DHCR24: variants seen among roughly 807,000 people sequenced by gnomAD.
The protein encoded by DHCR24 is delta(24)-sterol reductase.
DHCR24 carries 28 observed loss-of-function variants against 61.2 expected under a neutral mutation model. The ratio of observed to expected loss-of-function variants is 0.46; its 90% confidence interval spans 0.34 to 0.63. The LOEUF is 0.63. Among genes scored for constraint, DHCR24 ranks in the 20% least tolerant of loss-of-function variants. The pLI is 0.01. For synonymous variants in DHCR24, 261 were observed against 275.9 expected (o/e 0.95, Z 0.54); for missense variants, 538 against 679.1 (o/e 0.79, Z 2.31).
chr1:54,874,460 T>C (rs1374251112), intron 4 of DHCR24, among the ~76,000 whole-genome samples: 1 of 152,240 alleles, frequency 6.6e-6, no homozygotes, highest in Non-Finnish European at 1.5e-5. Flanking sequence ...AGTACCATGC[T>C]GTATAGGTCT....
chr1:54,862,937 G>A lies in DHCR24; in HGVS notation c.1020+2366C>T, dbSNP rs540100222. 1.7e-4 allele frequency among the ~76,000 whole-genome samples: 26 copies of A among 152,170 alleles called. No individual in the cohort carries two copies. In the East Asian group the frequency reaches 4.8e-3, roughly 28 times the overall value. ...TAAAAATACAAAAAATTAGCTGGGC[G>A]TAGTGGTGGGCGCCTATAGTCCCAG... is the stretch of plus-strand genomic sequence containing the variant. On this transcript the variant is annotated intron_variant, in intron 6 of 8. Transcript: ENST00000371269.
Position 54,883,623 on chromosome 1 carries a change from T to C in DHCR24, c.382A>G (p.Lys128Glu). 2 of 1,614,224 alleles carry C rather than the reference T, an allele frequency of 1.2e-6. No homozygotes were observed. The highest frequency in any genetic ancestry group is 1.7e-6 in the Non-Finnish European group (2 of 1,180,034). The change falls in exon 2 of 9, where the codon AAA becomes GAA. Residue 128 changes from lysine to glutamate, a missense_variant. Transcript: ENST00000371269. This position sits in a 1 kb window ranked among gnomAD's most constrained non-coding sequence, Gnocchi z 4.3. ...CGGAAAAGTGCTACTCTCACCTGTT[T>C]CTTGGTGTCCACTTCCAGAATGTCC... ...LMDILEVDTK[K>E]QIVRVEPLVT...
rs1047000262 is a variant in DHCR24 at position 54,858,139 on chromosome 1, C to G, written c.1021-3905G>C. Among the ~76,000 whole-genome samples, 13 of 152,388 alleles carry G rather than the reference C, an allele frequency of 8.5e-5. 1 individual carries two copies. Among genetic ancestry groups the G allele is most frequent in the African/African-American group, 2.4e-4 (10 of 41,604 alleles). Reference sequence around the variant, plus strand: ...TTTCTACTGTAGAGGATGCTGCGCGCAGATGCCCGCTCCAGGGAGGCACCC... The same window carrying G: ...TTTCTACTGTAGAGGATGCTGCGCGGAGATGCCCGCTCCAGGGAGGCACCC... On this transcript the variant is annotated intron_variant, in intron 6 of 8. Transcript: ENST00000371269.
chr1:54,864,051 C>A (rs192632142), intron 6 of DHCR24, among the ~76,000 whole-genome samples: 6 of 152,222 alleles, frequency 3.9e-5, no homozygotes, highest in Admixed American at 2.6e-4. Context: ...CAGAAAATAA[C>A]AAGTGTTGGT....
chr1:54,857,830 C>G (rs1165188682), intron 6 of DHCR24, among the ~76,000 whole-genome samples: 3 of 152,170 alleles, frequency 2.0e-5, no homozygotes, highest in African/African-American at 7.2e-5. Context: ...ACCCTGACCC[C>G]GCGTGTTGCT....
chr1:54,882,348 AG>A lies in DHCR24; in HGVS notation c.387+1269del, dbSNP rs752509118. ...GCTAAAATTAAGACTAACCATATCA[AG>A]TCTATTACAATGTGGAACAAGAACA... is the stretch of plus-strand genomic sequence containing the variant. On this transcript the variant is annotated intron_variant, in intron 2 of 8. Coordinates refer to ENST00000371269, the MANE Select transcript of DHCR24 (RefSeq NM_014762.4). 1.2e-4 allele frequency among the ~76,000 whole-genome samples: 18 copies of A among 152,352 alleles called. No homozygotes were observed. In the East Asian group the frequency reaches 2.9e-3, roughly 24 times the overall value.
Position 54,852,317 on chromosome 1 carries a change from C to T in DHCR24, c.1467G>A (p.Leu489=), listed in dbSNP as rs746763484. 2 of 1,614,196 alleles carry T rather than the reference C, an allele frequency of 1.2e-6. No individual in the cohort carries two copies. The highest frequency in any genetic ancestry group is 1.3e-5 in the African/African-American group (1 of 75,052). The change falls in exon 9 of 9, where the codon TTG becomes TTA. Residue 489 remains leucine (L), a synonymous_variant. Coordinates refer to ENST00000371269, the MANE Select transcript of DHCR24 (RefSeq NM_014762.4). ...CCAGCTTCTCTCGCAGCTTGTGGTACAAGGAGCCATCAAACATCTCCCAGA... is the reference window on the plus strand; with the variant it reads ...CCAGCTTCTCTCGCAGCTTGTGGTATAAGGAGCCATCAAACATCTCCCAGA... ...EEFWEMFDGS[L]YHKLREKLGC...
rs1428332946 is a variant in DHCR24 at position 54,850,280 on chromosome 1, T to C, written c.*1953A>G. ...TGGCAAAACAATGGCACTGTTTAAC[T>C]AGCTCGTGTTAACCATTCATCTACA... On this transcript the variant is annotated 3_prime_UTR_variant, in exon 9 of 9. Coordinates refer to ENST00000371269, the MANE Select transcript of DHCR24 (RefSeq NM_014762.4). 1 of 152,254 alleles carries C rather than the reference T, an allele frequency of 6.6e-6. No individual in the cohort carries two copies. The highest frequency in any genetic ancestry group is 6.5e-5 in the Admixed American group (1 of 15,286). The allele number at this position is 152,254 out of a possible 1,614,324, so 9.4% of individuals were successfully genotyped here.
intron 1 of DHCR24, among the ~76,000 whole-genome samples, chr1:54,884,607 C>A (rs952089400): frequency 2.0e-5 from 3 of 152,114 alleles, no homozygotes; most frequent in African/African-American, 7.2e-5. Context: ...GGATATTTGT[C>A]ATTTTGACCT....
At chr1:54,871,322 G>A (rs770279004) in intron 5 of DHCR24, 28 bp downstream of exon 5, 7 of 1,612,868 alleles carry the variant, frequency 4.3e-6, no homozygotes, top group African/African-American at 1.3e-5. Context: ...CCCAGTCTTG[G>A]TCAGCAGCAG....
intron 7 of DHCR24, 141 bp from the exon 8 acceptor site, chr1:54,853,753 GC>G (rs1646891275): frequency 1.0e-6 from 1 of 1,005,012 alleles, no homozygotes. Flanking sequence ...TCACTGCCCC[GC>G]CCCCCAGCCC....
chr1:54,853,368 A>T, intron 8 of DHCR24, 66 bp downstream of exon 8: 1 of 1,600,582 alleles, frequency 6.2e-7, no homozygotes, highest in Non-Finnish European at 8.5e-7. Flanking sequence ...AGCTGGCCTC[A>T]TTCCCCTGGA....
At chr1:54,885,575 T>C (rs779726842) in intron 1 of DHCR24, among the ~76,000 whole-genome samples, 4 of 152,310 alleles carry the variant, frequency 2.6e-5, no homozygotes, top group Non-Finnish European at 5.9e-5. Context: ...GTTTGTAAGA[T>C]AGGCACAAGA....
chr1:54,856,649 T>A (rs1281451966), intron 6 of DHCR24, among the ~76,000 whole-genome samples: 1 of 152,130 alleles, frequency 6.6e-6, no homozygotes, highest in Non-Finnish European at 1.5e-5. Flanking sequence ...ACAGCAGATG[T>A]GTCATAATTT....
intron 3 of DHCR24, 112 bp downstream of exon 3, chr1:54,875,830 G>T: frequency 1.2e-6 from 1 of 836,478 alleles, no homozygotes; most frequent in Non-Finnish European, 2.1e-6. Flanking sequence ...AATGACTTCT[G>T]TCACAGATGG....
At chr1:54,861,529 ATCAGTCCCTTG>A (rs1243375295) in intron 6 of DHCR24, among the ~76,000 whole-genome samples, 1 of 151,994 alleles carries the variant, frequency 6.6e-6, no homozygotes. Context: ...TGTCCACCAT[ATCAGTCCCTTG>A]TCAGTCCCTG....
At chr1:54,865,762 T>G (rs1462408031) in intron 5 of DHCR24, among the ~76,000 whole-genome samples, 1 of 152,160 alleles carries the variant, frequency 6.6e-6, no homozygotes, top group Non-Finnish European at 1.5e-5. Flanking sequence ...TTAACTGCCC[T>G]GATGCAGTGC....
chr1:54,853,718 A>C, intron 7 of DHCR24, 106 bp from the exon 8 acceptor site: 7 of 1,323,700 alleles, frequency 5.3e-6, no homozygotes, highest in Non-Finnish European at 6.3e-6. Context: ...CAGCATTCTC[A>C]AGACCCCCTC....
intron 6 of DHCR24, among the ~76,000 whole-genome samples, chr1:54,863,796 A>G (rs186672200): frequency 2.2e-4 from 33 of 152,384 alleles, no homozygotes; most frequent in Non-Finnish European, 3.2e-4. Flanking sequence ...TTTGCAGATC[A>G]TATATCTGAT....
Sources: allele counts gnomAD v4.1 joint callset (sites outside exome capture counted in the v4.1 genomes callset), GRCh38; gene constraint gnomAD v4.1.1; non-coding constraint Gnocchi (gnomAD v3.1); transcripts MANE v1.5; gene names NCBI Gene and HGNC (gene_info 2026-07-23, HGNC 2026-07-21).